Variants in LINGO2 observed in about 807,000 individuals in gnomAD.
LINGO2 encodes leucine rich repeat and Ig domain containing 2.
A neutral mutation model predicts 30.6 loss-of-function variants in LINGO2; 14 were observed. That is an observed-to-expected ratio of 0.46 (90% CI 0.30 to 0.72). The LOEUF (loss-of-function observed/expected upper bound fraction) is 0.72, where lower values mean the gene tolerates loss of function less well. LINGO2 is among the 30% of genes least tolerant of loss of function. The probability of loss-of-function intolerance (pLI) is 0.07; values close to 1 mark genes in which losing one functional copy is unlikely to be tolerated. For missense variants in LINGO2, 729 were observed against 751.7 expected (o/e 0.97, Z 0.35); for synonymous variants, 317 against 288.5 (o/e 1.10, Z -1.00).
At chr9:27,954,594 T>C (rs1308349186) in intron 5 of LINGO2, among the ~76,000 whole-genome samples, 3 of 152,206 alleles carry the variant, frequency 2.0e-5, no homozygotes, top group Non-Finnish European at 4.4e-5. Flanking sequence ...CATTCATTTG[T>C]TGATGGACAC....
chr9:28,041,483 G>A (rs766501797), intron 4 of LINGO2, among the ~76,000 whole-genome samples: 1 of 152,174 alleles, frequency 6.6e-6, no homozygotes, highest in East Asian at 1.9e-4. Context: ...AGGGGTGCTG[G>A]GTATGTGTGC....
At chr9:29,159,322 T>A in the LINGO2 span, among the ~76,000 whole-genome samples, 1 of 152,166 alleles carries the variant, frequency 6.6e-6, no homozygotes, top group Non-Finnish European at 1.5e-5. Flanking sequence ...CCTTCCAAAG[T>A]AGGTATTCTA....
chr9:29,191,158 T>G, the LINGO2 span, among the ~76,000 whole-genome samples: 2 of 152,144 alleles, frequency 1.3e-5, no homozygotes, highest in Non-Finnish European at 2.9e-5. Flanking sequence ...AATAAGAAAA[T>G]AGGACACCTG....
chr9:28,450,411 G>T (rs781142937), intron 2 of LINGO2, among the ~76,000 whole-genome samples: 1 of 152,038 alleles, frequency 6.6e-6, no homozygotes, highest in East Asian at 1.9e-4. Flanking sequence ...AAAAGAGTGG[G>T]CTTTTGAGCT....
In LINGO2 at chr9:28,147,166, G is replaced by A. The variant is rs902775621; in HGVS notation, c.-86-134761C>T. ...TCGAGGTGTTCATGTGCTTATTACA[G>A]ATATGCCATGGTGCTAAGTACCCCA... On this transcript the variant is annotated intron_variant, in intron 4 of 5. Coordinates refer to ENST00000379992, the Ensembl canonical transcript of LINGO2. The surrounding 1 kb of genome is among the most constrained non-coding windows in gnomAD (Gnocchi z 4.7). Among the ~76,000 whole-genome samples, 1 of 152,200 alleles carries A rather than the reference G, an allele frequency of 6.6e-6. No individual in the cohort carries two copies. The highest frequency in any genetic ancestry group is 1.5e-5 in the Non-Finnish European group (1 of 68,046).
At chr9:29,139,995 T>C in the LINGO2 span, among the ~76,000 whole-genome samples, 172 of 152,116 alleles carry the variant, frequency 1.1e-3, no homozygotes, top group Non-Finnish European at 2.2e-3. Flanking sequence ...AAAATCTCTA[T>C]TGAAATTTAC....
At chr9:28,105,814 G>A (rs564165207) in intron 4 of LINGO2, among the ~76,000 whole-genome samples, 27 of 152,212 alleles carry the variant, frequency 1.8e-4, no homozygotes, top group South Asian at 4.2e-4. Context: ...TACAAGCCAG[G>A]AGGAGAGCCC....
the LINGO2 span, among the ~76,000 whole-genome samples, chr9:28,952,254 A>G: frequency 6.6e-6 from 1 of 152,142 alleles, no homozygotes; most frequent in Non-Finnish European, 1.5e-5. Flanking sequence ...TTCAATATCT[A>G]TCTATCTAAA....
the LINGO2 span, among the ~76,000 whole-genome samples, chr9:28,944,441 T>C: frequency 6.6e-6 from 1 of 152,178 alleles, no homozygotes; most frequent in Admixed American, 6.5e-5. Context: ...CTCTCACTCT[T>C]GTCCCCCAGG....
At chr9:28,783,600 T>C in the LINGO2 span, among the ~76,000 whole-genome samples, 1 of 152,102 alleles carries the variant, frequency 6.6e-6, no homozygotes, top group Admixed American at 6.6e-5. Context: ...CAATACTCTT[T>C]CTAGAGGGGA....
intron 4 of LINGO2, among the ~76,000 whole-genome samples, chr9:28,067,549 G>T (rs1438224362): frequency 6.6e-6 from 1 of 152,118 alleles, no homozygotes; most frequent in Non-Finnish European, 1.5e-5. Flanking sequence ...GACCTCGGAC[G>T]ATGTACTTTG....
chr9:29,144,891 C>T, the LINGO2 span, among the ~76,000 whole-genome samples: 1 of 151,838 alleles, frequency 6.6e-6, no homozygotes, highest in African/African-American at 2.4e-5. Flanking sequence ...ATTACTGTGG[C>T]TTTTTTTGCT....
chr9:28,233,061 T>TATATATATATATATATATAAAA (rs60875467), intron 4 of LINGO2, among the ~76,000 whole-genome samples: 2 of 118,830 alleles, frequency 1.7e-5, no homozygotes, highest in African/African-American at 7.2e-5. Flanking sequence ...TATATATATA[T>TATATATATATATATATATAAAA]TAGATATATA....
chr9:28,292,860 T>G (rs867269546), intron 4 of LINGO2, among the ~76,000 whole-genome samples: 1 of 151,954 alleles, frequency 6.6e-6, no homozygotes, highest in Non-Finnish European at 1.5e-5. Flanking sequence ...AAGCTCTGCC[T>G]CCCGGGTTCA....
the LINGO2 span, among the ~76,000 whole-genome samples, chr9:28,848,180 C>CACTATATATAGTATATATAT: frequency 3.0e-3 from 255 of 85,370 alleles, 1 homozygote; most frequent in Non-Finnish European, 4.7e-3. Context: ...TATATATACA[C>CACTATATATAGTATATATAT]ACTATATATA....
chr9:28,463,481 A>G (rs1825168080), intron 2 of LINGO2, among the ~76,000 whole-genome samples: 1 of 152,102 alleles, frequency 6.6e-6, no homozygotes, highest in Non-Finnish European at 1.5e-5. Context: ...GATTATAGGT[A>G]TACTAGGACT....
chr9:28,353,990 C>A (rs1332805909), intron 3 of LINGO2, among the ~76,000 whole-genome samples: 1 of 151,994 alleles, frequency 6.6e-6, no homozygotes, highest in Non-Finnish European at 1.5e-5. Flanking sequence ...ATATCACACT[C>A]TGGGGCCTGT....
chr9:28,755,498 G>A, the LINGO2 span, among the ~76,000 whole-genome samples: 1 of 152,156 alleles, frequency 6.6e-6, no homozygotes, highest in African/African-American at 2.4e-5. Flanking sequence ...TTGTAAAAAT[G>A]ACTGGCTTTT....
chr9:28,094,158 G>A (rs1007891070), intron 4 of LINGO2, among the ~76,000 whole-genome samples: 4 of 151,980 alleles, frequency 2.6e-5, no homozygotes, highest in Admixed American at 6.6e-5. Flanking sequence ...GTATAATGAG[G>A]GTAACCTATT....
Sources: gnomAD v4.1 joint callset for allele counts (sites outside exome capture counted in the v4.1 genomes callset) on GRCh38, gnomAD v4.1.1 for gene constraint, Gnocchi (gnomAD v3.1) non-coding constraint, MANE v1.5 for transcripts, NCBI Gene and HGNC (gene_info 2026-07-23, HGNC 2026-07-21) for gene names.